Variants in VPS8 observed in about 807,000 individuals in gnomAD.
The protein encoded by VPS8 is vacuolar protein sorting-associated protein 8 homolog.
In VPS8, 129 loss-of-function variants were observed where a neutral mutation model predicts 216.4. That is an observed-to-expected ratio of 0.60 (90% CI 0.52 to 0.69). The LOEUF (loss-of-function observed/expected upper bound fraction) is 0.69. VPS8 is among the 30% of genes least tolerant of loss of function. The pLI, the probability that VPS8 is intolerant of heterozygous loss-of-function variation, is 0.00. For missense variants in VPS8, 1,531 were observed against 1,683.5 expected (o/e 0.91, Z 1.59); for synonymous variants, 571 against 565.4 (o/e 1.01, Z -0.14).
intron 22 of VPS8, among the ~76,000 whole-genome samples, chr3:184,890,694 TTTTCTC>T (rs1172925560): frequency 1.3e-5 from 2 of 152,146 alleles, no homozygotes; most frequent in African/African-American, 4.8e-5. Context: ...TCACATTTGT[TTTTCTC>T]TGTAGGGCAT....
intron 5 of VPS8, among the ~76,000 whole-genome samples, chr3:184,836,770 T>C (rs910040435): frequency 1.3e-5 from 2 of 152,346 alleles, no homozygotes; most frequent in Non-Finnish European, 1.5e-5. Flanking sequence ...TGGTTAGTGA[T>C]GTTATTAGGG....
intron 35 of VPS8, among the ~76,000 whole-genome samples, chr3:184,938,557 G>T (rs1341722303): frequency 6.6e-6 from 1 of 151,862 alleles, no homozygotes; most frequent in Non-Finnish European, 1.5e-5. Flanking sequence ...CAGCACTTCT[G>T]GTAAATTTTG....
intron 25 of VPS8, among the ~76,000 whole-genome samples, chr3:184,902,079 A>G (rs1734587344): frequency 6.9e-6 from 1 of 145,722 alleles, no homozygotes; most frequent in South Asian, 2.2e-4. Flanking sequence ...AGCCATTCAC[A>G]TATCTTCTTT....
At chr3:184,966,185 G>C (rs1457351776) in intron 38 of VPS8, among the ~76,000 whole-genome samples, 2 of 152,104 alleles carry the variant, frequency 1.3e-5, no homozygotes, top group Non-Finnish European at 2.9e-5. Context: ...TGGGGTTGGG[G>C]GAGGAGTGCC....
intron 1 of VPS8, among the ~76,000 whole-genome samples, chr3:184,818,141 A>G (rs1441798314): frequency 1.3e-5 from 2 of 152,158 alleles, no homozygotes; most frequent in Non-Finnish European, 2.9e-5. Flanking sequence ...ATTCAATTGT[A>G]AGGGAAGGAG....
chr3:185,045,192 C>T (rs142667182), intron 46 of VPS8, among the ~76,000 whole-genome samples: 38 of 42,620 alleles, frequency 8.9e-4, no homozygotes, highest in African/African-American at 3.6e-3. Context: ...CAAAGTGGCC[C>T]GTGTCTCTCG....
At chr3:185,013,187 G>A (rs1309030311) in intron 45 of VPS8, among the ~76,000 whole-genome samples, 1 of 152,172 alleles carries the variant, frequency 6.6e-6, no homozygotes, top group African/African-American at 2.4e-5. Context: ...TCCAGTGTGG[G>A]CGTCATGGCC....
At chr3:184,868,802 C>T (rs914948139) in intron 18 of VPS8, 144 bp from the exon 19 acceptor site, 5 of 678,722 alleles carry the variant, frequency 7.4e-6, no homozygotes, top group South Asian at 5.9e-5. Context: ...TATTATTTTT[C>T]TTTGAAACAA....
intron 9 of VPS8, 166 bp downstream of exon 9, chr3:184,849,361 A>G: frequency 1.3e-6 from 1 of 753,126 alleles, no homozygotes; most frequent in Non-Finnish European, 2.0e-6. Context: ...AAAATTTTAC[A>G]TAATTGTTAT....
At chr3:184,894,101 A>G (rs1732875892) in intron 22 of VPS8, among the ~76,000 whole-genome samples, 1 of 152,178 alleles carries the variant, frequency 6.6e-6, no homozygotes, top group African/African-American at 2.4e-5. Context: ...TTTATATTTT[A>G]AGGATTAAAC....
intron 21 of VPS8, among the ~76,000 whole-genome samples, chr3:184,877,359 G>A (rs931631389): frequency 1.3e-5 from 2 of 152,192 alleles, no homozygotes; most frequent in Non-Finnish European, 2.9e-5. Flanking sequence ...ATCTGGTTCA[G>A]TGTCCTTGAT....
intron 46 of VPS8, among the ~76,000 whole-genome samples, chr3:185,028,883 C>CG (rs1418253910): frequency 6.6e-6 from 1 of 152,084 alleles, no homozygotes; most frequent in African/African-American, 2.4e-5. Flanking sequence ...AGTAGTCACT[C>CG]GGTCGTTGTT....
intron 40 of VPS8, among the ~76,000 whole-genome samples, chr3:184,982,054 A>G (rs1750294733): frequency 6.6e-6 from 1 of 152,100 alleles, no homozygotes; most frequent in Non-Finnish European, 1.5e-5. Flanking sequence ...GAAATACAAG[A>G]TAATGCTTGA....
Position 184,964,845 on chromosome 3 carries a change from G to T in VPS8, c.3273+288G>T, listed in dbSNP as rs185374755. Among the ~76,000 whole-genome samples the T allele has an allele frequency of 1.3e-3, 199 of 152,220 alleles. 2 individuals carry two copies. The highest frequency in any genetic ancestry group is 4.6e-3 in the African/African-American group (190 of 41,540). On this transcript the variant is annotated intron_variant, in intron 38 of 47. Transcript: ENST00000625842. Reference sequence around the variant, plus strand: ...CTGTTTGCCCATTCCTCCTTCAGGGGACACCTGGGCTGCTTTACCTTTTGG... The same window carrying T: ...CTGTTTGCCCATTCCTCCTTCAGGGTACACCTGGGCTGCTTTACCTTTTGG...
At chr3:185,020,469 C>CTTT (rs577443262) in intron 45 of VPS8, among the ~76,000 whole-genome samples, 48 of 130,926 alleles carry the variant, frequency 3.7e-4, no homozygotes, top group African/African-American at 1.2e-3. Flanking sequence ...AAAATTAAGG[C>CTTT]TTTTTTTTTT....
intron 25 of VPS8, among the ~76,000 whole-genome samples, chr3:184,907,016 A>G (rs1054848896): frequency 1.3e-5 from 2 of 152,164 alleles, no homozygotes; most frequent in Non-Finnish European, 2.9e-5. Context: ...TTATCTTGCC[A>G]AGGTTAAGGA....
At chr3:184,882,618 G>A (rs1337875918) in intron 21 of VPS8, among the ~76,000 whole-genome samples, 2 of 152,014 alleles carry the variant, frequency 1.3e-5, no homozygotes, top group Non-Finnish European at 2.9e-5. Flanking sequence ...TTTTGTGGAA[G>A]GGATTGTATA....
intron 35 of VPS8, among the ~76,000 whole-genome samples, chr3:184,937,719 T>G (rs1405290584): frequency 6.6e-6 from 1 of 152,038 alleles, no homozygotes; most frequent in Non-Finnish European, 1.5e-5. Flanking sequence ...ATAAAAAGGT[T>G]CTGGGTATAA....
At chr3:184,948,953 G>A (rs1410247190) in intron 36 of VPS8, among the ~76,000 whole-genome samples, 1 of 152,046 alleles carries the variant, frequency 6.6e-6, no homozygotes, top group Non-Finnish European at 1.5e-5. Flanking sequence ...TTCCTACGTA[G>A]GAGAACAATA....
Sources: allele counts gnomAD v4.1 joint callset (sites outside exome capture counted in the v4.1 genomes callset), GRCh38; gene constraint gnomAD v4.1.1; transcripts MANE v1.5; gene names NCBI Gene and HGNC (gene_info 2026-07-23, HGNC 2026-07-21).